Variants in WAPL observed in about 807,000 individuals in gnomAD.
WAPL encodes WAPL cohesin release factor.
In WAPL, 5 loss-of-function variants were observed where a neutral mutation model predicts 121.0. The ratio of observed to expected loss-of-function variants is 0.04; its 90% CI spans 0.02 to 0.09. The LOEUF (loss-of-function observed/expected upper bound fraction) is 0.09, where lower values mean the gene tolerates loss of function less well. WAPL is among the 10% of genes least tolerant of loss of function. The pLI is 1.00. For missense variants in WAPL, 999 were observed against 1,410.8 expected (o/e 0.71, Z 4.68); for synonymous variants, 480 against 481.5 (o/e 1.00, Z 0.04).
chr10:86,438,253 C>CTTTTTTT (rs11402864), intron 17 of WAPL, among the ~76,000 whole-genome samples: 1 of 138,548 alleles, frequency 7.2e-6, no homozygotes, highest in African/African-American at 2.7e-5. Context: ...TACACATTTA[C>CTTTTTTT]TTTTTTTTTT....
chr10:86,476,346 C>T (rs1265244517), intron 4 of WAPL, among the ~76,000 whole-genome samples: 1 of 151,638 alleles, frequency 6.6e-6, no homozygotes, highest in Non-Finnish European at 1.5e-5. Flanking sequence ...GCCTGGGCGA[C>T]AGAGCGAGAC....
chr10:86,456,210 G>A (rs568693191), intron 12 of WAPL, among the ~76,000 whole-genome samples: 1 of 152,264 alleles, frequency 6.6e-6, no homozygotes, highest in Non-Finnish European at 1.5e-5. Context: ...GAGAGGTTTT[G>A]TTCAAGCATT....
At chr10:86,446,583 A>G (rs542759191) in intron 15 of WAPL, 134 bp from the exon 16 acceptor site, 20 of 1,035,184 alleles carry the variant, frequency 1.9e-5, no homozygotes, top group South Asian at 1.2e-4. Flanking sequence ...AGAGGTGAGT[A>G]TAAGTAAAAG....
At chr10:86,483,805 T>TC (rs1271703402) in intron 4 of WAPL, among the ~76,000 whole-genome samples, 1 of 137,858 alleles carries the variant, frequency 7.3e-6, no homozygotes. Context: ...TTTTTTTTTT[T>TC]TTTTTTTTTT....
chr10:86,487,202 C>T (rs1841945480), intron 4 of WAPL, among the ~76,000 whole-genome samples: 2 of 151,752 alleles, frequency 1.3e-5, no homozygotes, highest in Admixed American at 1.3e-4. Flanking sequence ...AGAAGTCAAA[C>T]CACAAGCAGG....
rs1190871174 is a variant in WAPL at position 86,472,313 on chromosome 10, A to G, written c.1925T>C (p.Phe642Ser). ...LYTVVQHVKH[F>S]NDVVEFGENQ... ...TTCACCAAATTCTACAACATCGTTG[A>G]AGTGCTTCACGTGCTGAACAACAGT... is the stretch of plus-strand genomic sequence containing the variant. Residue 642 changes from phenylalanine to serine, a missense_variant, in exon 7 of 19, where the codon TTC (phenylalanine) becomes TCC (serine). By Grantham distance (155) the Phe-to-Ser change is radical. Coordinates refer to ENST00000298767, the MANE Select transcript of WAPL (RefSeq NM_015045.5). This position sits in a 1 kb window ranked among gnomAD's most constrained non-coding sequence, Gnocchi z 4.2. 2 of 1,604,442 alleles carry G rather than the reference A, an allele frequency of 1.2e-6. No individual in the cohort carries two copies. The highest frequency in any genetic ancestry group is 1.7e-6 in the Non-Finnish European group (2 of 1,178,148).
intron 4 of WAPL, among the ~76,000 whole-genome samples, chr10:86,482,761 G>A (rs911774088): frequency 1.3e-5 from 2 of 152,118 alleles, no homozygotes; most frequent in African/African-American, 2.4e-5. Context: ...GAAAAAGTAG[G>A]GATTCACTAA....
intron 16 of WAPL, 63 bp downstream of exon 16, chr10:86,446,179 G>A (rs1454037260): frequency 1.3e-6 from 2 of 1,574,972 alleles, no homozygotes; most frequent in Non-Finnish European, 1.7e-6. Context: ...AAAATAGTTT[G>A]AAGAAAAAAA....
chr10:86,442,070 A>C (rs76814212), intron 17 of WAPL, among the ~76,000 whole-genome samples: 11,399 of 152,244 alleles, frequency 0.075, 463 homozygotes, highest in Middle Eastern at 0.14. Flanking sequence ...TCTGAAGCCC[A>C]GGCTGAAGTG....
chr10:86,479,848 A>G (rs1156267389), intron 4 of WAPL, among the ~76,000 whole-genome samples: 2 of 152,234 alleles, frequency 1.3e-5, no homozygotes, highest in Non-Finnish European at 2.9e-5. Context: ...TGGATTGTCA[A>G]AAATTTCTTT....
At chr10:86,461,103 G>T in intron 10 of WAPL, 73 bp downstream of exon 10, 1 of 1,102,830 alleles carries the variant, frequency 9.1e-7, no homozygotes, top group Admixed American at 2.2e-5. Flanking sequence ...ATTATTTTTT[G>T]AAGTACGTCA....
chr10:86,439,602 G>A (rs1044743282), intron 17 of WAPL, among the ~76,000 whole-genome samples: 1 of 152,182 alleles, frequency 6.6e-6, no homozygotes, highest in Non-Finnish European at 1.5e-5. Context: ...TGGCCTATTT[G>A]AAAAATTTTA....
rs1056414990 is a variant in WAPL, at chr10:86,456,962, C to T, written c.2657+2027G>A. Among the ~76,000 whole-genome samples, 12 of 152,254 alleles carry T rather than the reference C, an allele frequency of 7.9e-5. No homozygotes were observed. In the East Asian group the frequency reaches 9.6e-4, roughly 12 times the overall value. On this transcript the variant is annotated intron_variant, in intron 12 of 18. Transcript: ENST00000298767. Reference sequence around the variant, plus strand: ...CTACTGCCACTTCCAAGACATTTGGCCTGAATTTCCTAATCACAACAAAAG... The same window carrying T: ...CTACTGCCACTTCCAAGACATTTGGTCTGAATTTCCTAATCACAACAAAAG...
At chr10:86,492,912 T>C (rs1338759966) in intron 4 of WAPL, among the ~76,000 whole-genome samples, 1 of 151,900 alleles carries the variant, frequency 6.6e-6, no homozygotes, top group African/African-American at 2.4e-5. Context: ...AAAAACAAAA[T>C]TAGCCGGGTG....
chr10:86,518,303 A>G (rs1842599960), intron 1 of WAPL, among the ~76,000 whole-genome samples: 1 of 152,232 alleles, frequency 6.6e-6, no homozygotes, highest in Admixed American at 6.5e-5. Flanking sequence ...ATGAGTACAT[A>G]TTCCTACGCT....
intron 8 of WAPL, 122 bp from the exon 9 acceptor site, chr10:86,467,628 C>A: frequency 1.3e-6 from 1 of 745,428 alleles, no homozygotes; most frequent in African/African-American, 1.8e-5. Flanking sequence ...ATATTACTAA[C>A]CATGTTGGAA....
intron 11 of WAPL, 74 bp from the exon 12 acceptor site, chr10:86,459,139 T>C (rs1841214819): frequency 8.3e-7 from 1 of 1,211,430 alleles, no homozygotes; most frequent in Non-Finnish European, 1.2e-6. Context: ...ACATTCTGCC[T>C]GGTGCGTAAA....
Position 86,521,409 on chromosome 10 carries a change from C to T in WAPL, c.-67G>A. ...CTTTGGCCACGGGCCGCCTCCGCCT[C>T]TCCCGCTCCCTACGGCCCGCGGGCG... is the stretch of plus-strand genomic sequence containing the variant. On this transcript the variant is annotated 5_prime_UTR_variant, in exon 1 of 19. Coordinates refer to ENST00000298767, the MANE Select transcript of WAPL (RefSeq NM_015045.5). The T allele has an allele frequency of 3.3e-6, 1 of 304,910 alleles. No individual in the cohort carries two copies. Among genetic ancestry groups the T allele is most frequent in the Non-Finnish European group, 6.6e-6 (1 of 151,210 alleles). 18.9% of individuals were successfully genotyped at this position (304,910 alleles called of 1,614,324 possible). A position where few individuals can be genotyped will look rare whatever the true frequency, so the allele number is the denominator to read the frequency against.
chr10:86,440,883 A>G (rs202234093), intron 17 of WAPL, among the ~76,000 whole-genome samples: 92 of 1,890 alleles, frequency 0.049, no homozygotes, highest in African/African-American at 0.18. Context: ...ACACAAAGTG[A>G]AAAAAAAAAA....
Sources: gnomAD v4.1 joint callset for allele counts (sites outside exome capture counted in the v4.1 genomes callset) on GRCh38, gnomAD v4.1.1 for gene constraint, Gnocchi (gnomAD v3.1) non-coding constraint, MANE v1.5 for transcripts, NCBI Gene and HGNC (gene_info 2026-07-23, HGNC 2026-07-21) for gene names.